MYEF2: variants seen among roughly 807,000 people sequenced by gnomAD.
The protein encoded by MYEF2 is myelin gene expression factor 2.
Under a neutral mutation model 75.2 loss-of-function variants are expected in MYEF2, and 37 were observed. That is an observed-to-expected ratio of 0.49 (90% CI 0.38 to 0.65). The LOEUF (loss-of-function observed/expected upper bound fraction) is 0.65. MYEF2 is among the 30% of genes least tolerant of loss of function. The pLI is 0.00. For missense variants in MYEF2, 634 were observed against 771.4 expected, an observed-to-expected ratio of 0.82 and a Z score of 2.11; for synonymous variants, 195 against 241.6, an observed-to-expected ratio of 0.81 and a Z score of 1.79.
At chr15:48,166,467 T>C (rs74011913) in intron 3 of MYEF2, among the ~76,000 whole-genome samples, 1,868 of 152,092 alleles carry the variant, frequency 0.012, 37 homozygotes, top group African/African-American at 0.043. Context: ...AATAGACCTA[T>C]CCTTCTGTAG....
In MYEF2 at chr15:48,159,768, G is replaced by A; in HGVS notation, c.562C>T (p.Arg188Ter). The A allele has an allele frequency of 6.2e-7, 1 of 1,613,270 alleles. No individual in the cohort carries two copies. Among genetic ancestry groups the A allele is most frequent in the Non-Finnish European group, 8.5e-7 (1 of 1,179,632 alleles). ...DGENARRALQ[R>*]TGGSFPGGHV... ...CCTCCTGGAAATGATCCTCCTGTTC[G>A]CTGCAATGCCCTACGAGCATTTTCT... The change falls in exon 6 of 17, where the codon CGA becomes TGA. Residue 188 changes from arginine to a stop codon, truncating the protein, a stop_gained. Transcript: ENST00000324324. LOFTEE classifies it high-confidence loss of function.
In MYEF2 at chr15:48,151,095, C is replaced by T. The variant is rs781324624; in HGVS notation, c.1378+5G>A. 3 of 1,591,658 alleles carry T rather than the reference C, an allele frequency of 1.9e-6. No homozygotes were observed. The highest frequency in any genetic ancestry group is 2.6e-6 in the Non-Finnish European group (3 of 1,168,662). On this transcript the variant is annotated splice_donor_5th_base_variant and intron_variant, in intron 14 of 16. Coordinates refer to ENST00000324324, the MANE Select transcript of MYEF2 (RefSeq NM_016132.5). ...TGAATAAATTCTAGTAAAATTTAAA[C>T]CTACTTATTCCAGATCCTACTGGAC... is the stretch of plus-strand genomic sequence containing the variant.
chr15:48,151,965 G>C lies in MYEF2; in HGVS notation c.1139-23C>G, dbSNP rs2039507884. The C allele has an allele frequency of 5.6e-6, 9 of 1,607,556 alleles. No homozygotes were observed. The East Asian group carries it at 2.0e-4, about 36-fold the overall frequency. On this transcript the variant is annotated intron_variant, in intron 11 of 16. Transcript: ENST00000324324. ...TTCCTATGGAATAAAGATTAATTTT[G>C]AGATCCAACTGTCAGTCATGTAGCT...
In MYEF2 at chr15:48,139,414, C is replaced by T. The variant is rs1457070871; in HGVS notation, c.*3494G>A. On this transcript the variant is annotated 3_prime_UTR_variant, in exon 17 of 17. Transcript: ENST00000324324. ...TAGCCTGGGGTACAATTCAAGAGAT[C>T]TTATAAATGAAATCAAATTCATAGG... The T allele has an allele frequency of 3.1e-6, 1 of 317,470 alleles. No homozygotes were observed. 19.7% of individuals were successfully genotyped at this position (317,470 alleles called of 1,614,324 possible). A position where few individuals can be genotyped will look rare whatever the true frequency, so the allele number is the denominator to read the frequency against.
rs1284035222 is a variant in MYEF2, at chr15:48,142,282, T to C, written c.*626A>G. The C allele has an allele frequency of 1.2e-6, 2 of 1,613,686 alleles. No homozygotes were observed. Among genetic ancestry groups the C allele is most frequent in the African/African-American group, 2.7e-5 (2 of 75,030 alleles). ...TCTGCCTATTATCATACTTGGGGCTTGCTACATTATCAGTTCTATATGAAC... is the reference window on the plus strand; with the variant it reads ...TCTGCCTATTATCATACTTGGGGCTCGCTACATTATCAGTTCTATATGAAC... On this transcript the variant is annotated 3_prime_UTR_variant, in exon 17 of 17. Transcript: ENST00000324324.
In MYEF2 at chr15:48,140,958, T is replaced by G. The variant is rs545377253; in HGVS notation, c.*1950A>C. The G allele has an allele frequency of 1.9e-6, 1 of 538,572 alleles. No homozygotes were observed. The highest frequency in any genetic ancestry group is 1.9e-5 in the African/African-American group (1 of 51,950). 33.4% of individuals were successfully genotyped at this position (538,572 alleles called of 1,614,324 possible). On this transcript the variant is annotated 3_prime_UTR_variant, in exon 17 of 17. Coordinates refer to ENST00000324324, the MANE Select transcript of MYEF2 (RefSeq NM_016132.5). ...GAATTACCAGCCTGATTCAAATATG[T>G]TGCTAGCTAAAAAACTAATAAGCAA... is the stretch of plus-strand genomic sequence containing the variant.
In MYEF2 at chr15:48,136,576, C is replaced by A; in HGVS notation, c.*6332G>T. ...AAATATCTAGAAATGTTTGATTGTT[C>A]TATGGCTACTTTTGTTAGAAAATCA... On this transcript the variant is annotated 3_prime_UTR_variant, in exon 17 of 17. Transcript: ENST00000324324. 1.9e-6 allele frequency: 2 copies of A among 1,029,944 alleles called. No individual in the cohort carries two copies. Among genetic ancestry groups the A allele is most frequent in the Non-Finnish European group, 2.8e-6 (2 of 712,576 alleles). 63.8% of individuals were successfully genotyped at this position (1,029,944 alleles called of 1,614,324 possible). A position where few individuals can be genotyped will look rare whatever the true frequency, so the allele number is the denominator to read the frequency against.
Position 48,158,914 on chromosome 15 carries a change from G to C in MYEF2, c.726C>G (p.Phe242Leu). The C allele has an allele frequency of 6.2e-7, 1 of 1,612,984 alleles. No homozygotes were observed. Among genetic ancestry groups the C allele is most frequent in the Non-Finnish European group, 8.5e-7 (1 of 1,179,472 alleles). ...GSTIFVANLDFKVGWKKLKEV... is the reference protein window; with the variant it reads ...GSTIFVANLDLKVGWKKLKEV... ...CCTTTAGCTTCTTCCAACCAACTTTGAAGTCAAGCTTAATATAAAATTGTA... is the reference window on the plus strand; with the variant it reads ...CCTTTAGCTTCTTCCAACCAACTTTCAAGTCAAGCTTAATATAAAATTGTA... Residue 242 changes from phenylalanine to leucine, a missense_variant, in exon 7 of 17, where the codon TTC (phenylalanine) becomes TTG (leucine). Physicochemically the swap from Phe to Leu is conservative, Grantham distance 22. Coordinates refer to ENST00000324324, the MANE Select transcript of MYEF2 (RefSeq NM_016132.5).
chr15:48,152,197 G>A (rs1436875898), intron 11 of MYEF2, 37 bp downstream of exon 11: 1 of 1,536,368 alleles, frequency 6.5e-7, no homozygotes, highest in African/African-American at 1.4e-5. Flanking sequence ...TAAAAATGGT[G>A]ATGGGTACAT....
chr15:48,177,960 G>A, intron 1 of MYEF2, 117 bp downstream of exon 1: 1 of 1,346,648 alleles, frequency 7.4e-7, no homozygotes, highest in Non-Finnish European at 1.0e-6. Flanking sequence ...CGATGGCCCG[G>A]GGGCGGGCCG....
At chr15:48,176,077 A>G (rs2040505314) in intron 1 of MYEF2, among the ~76,000 whole-genome samples, 1 of 152,144 alleles carries the variant, frequency 6.6e-6, no homozygotes, top group Non-Finnish European at 1.5e-5. Flanking sequence ...ACTCTGTTCA[A>G]TTCCAACCAA....
intron 1 of MYEF2, among the ~76,000 whole-genome samples, chr15:48,170,260 G>C (rs2040277271): frequency 2.0e-5 from 3 of 151,892 alleles, no homozygotes. Flanking sequence ...CAAGTAGCTG[G>C]AATTACAGGT....
At chr15:48,171,152 C>A (rs917184190) in intron 1 of MYEF2, among the ~76,000 whole-genome samples, 1 of 152,158 alleles carries the variant, frequency 6.6e-6, no homozygotes, top group Non-Finnish European at 1.5e-5. Flanking sequence ...CTGAGTACCG[C>A]AGATAGAAGA....
chr15:48,156,316 T>C (rs1230293369), intron 9 of MYEF2, among the ~76,000 whole-genome samples: 1 of 152,072 alleles, frequency 6.6e-6, no homozygotes, highest in Non-Finnish European at 1.5e-5. Context: ...CAAATTCAGT[T>C]ATTTGAATAC....
intron 10 of MYEF2, chr15:48,152,892 T>C (rs74011911): frequency 0.045 from 6,819 of 152,546 alleles, 356 homozygotes; most frequent in African/African-American, 0.12. Flanking sequence ...AGTCCATCAA[T>C]TAAAACAGTA....
At chr15:48,148,325 T>G (rs1209520075) in intron 16 of MYEF2, among the ~76,000 whole-genome samples, 4 of 152,206 alleles carry the variant, frequency 2.6e-5, no homozygotes, top group Non-Finnish European at 5.9e-5. Context: ...TCAATTAAGA[T>G]ATTTGTAACA....
intron 16 of MYEF2, 112 bp downstream of exon 16, chr15:48,148,920 T>C (rs1048593580): frequency 1.9e-6 from 2 of 1,043,328 alleles, no homozygotes; most frequent in Non-Finnish European, 2.9e-6. Context: ...ATCAAGACTA[T>C]CCAGGAATAG....
At chr15:48,150,092 C>T (rs1379078871) in intron 14 of MYEF2, 3 of 152,066 alleles carry the variant, frequency 2.0e-5, no homozygotes, top group African/African-American at 7.2e-5. Context: ...ATTTCCTGTC[C>T]TTTTCAATTG....
chr15:48,156,911 T>C (rs929211269), intron 9 of MYEF2, among the ~76,000 whole-genome samples: 7 of 152,060 alleles, frequency 4.6e-5, no homozygotes, highest in African/African-American at 1.7e-4. Flanking sequence ...TGATAAATAC[T>C]CTATCCATAA....
Sources: gnomAD v4.1 joint callset for allele counts (sites outside exome capture counted in the v4.1 genomes callset) on GRCh38, gnomAD v4.1.1 for gene constraint, MANE v1.5 for transcripts, NCBI Gene and HGNC (gene_info 2026-07-23, HGNC 2026-07-21) for gene names.